Variants in ABHD4 observed in about 807,000 individuals in gnomAD.
ABHD4 encodes (Lyso)-N-acylphosphatidylethanolamine lipase.
In ABHD4, 35 loss-of-function variants were observed where a neutral mutation model predicts 42.3. The observed-to-expected ratio is 0.83, with a 90% CI of 0.63 to 1.10. The LOEUF is 1.10. Among genes scored for constraint, ABHD4 ranks in the 50% least tolerant of loss-of-function variants. The pLI is 0.00. For synonymous variants in ABHD4, 169 were observed against 170.6 expected (o/e 0.99, Z 0.07); for missense variants, 389 against 454.8 (o/e 0.86, Z 1.32).
At chr14:22,600,832 G>GT in intron 1 of ABHD4, among the ~76,000 whole-genome samples, 1 of 14,096 alleles carries the variant, frequency 7.1e-5, no homozygotes, top group East Asian at 3.3e-3. Flanking sequence ...CAGCAGGGGG[G>GT]TGTGTGTGTG....
intron 4 of ABHD4, among the ~76,000 whole-genome samples, chr14:22,605,608 T>A (rs556225366): frequency 6.3e-4 from 96 of 152,286 alleles, no homozygotes; most frequent in African/African-American, 2.1e-3. Flanking sequence ...CTGCTCGAGC[T>A]ACTCTCCCCT....
intron 1 of ABHD4, among the ~76,000 whole-genome samples, chr14:22,599,437 T>C (rs902554749): frequency 1.3e-5 from 2 of 152,284 alleles, no homozygotes; most frequent in East Asian, 3.9e-4. Flanking sequence ...CCCCATCAAG[T>C]TGACAGAGAC....
chr14:22,598,609 T>A, intron 1 of ABHD4: 1 of 741,196 alleles, frequency 1.3e-6, no homozygotes, highest in Non-Finnish European at 2.2e-6. Context: ...TCCTCTGGCC[T>A]CTGGAGAGAT....
At chr14:22,602,241 C>T (rs974156912) in intron 2 of ABHD4, among the ~76,000 whole-genome samples, 2 of 152,198 alleles carry the variant, frequency 1.3e-5, no homozygotes, top group African/African-American at 4.8e-5. Context: ...GGTTTGCAGA[C>T]CAGCTGTCAT....
intron 5 of ABHD4, 106 bp downstream of exon 5, chr14:22,606,639 T>A: frequency 1.3e-6 from 1 of 774,256 alleles, no homozygotes; most frequent in Non-Finnish European, 2.1e-6. Context: ...AAGCTCTGAC[T>A]CAGTTAGGTA....
At chr14:22,607,991 T>G (rs544701614) in intron 5 of ABHD4, among the ~76,000 whole-genome samples, 4 of 152,342 alleles carry the variant, frequency 2.6e-5, no homozygotes, top group Non-Finnish European at 5.9e-5. Context: ...TTTGAGGGTA[T>G]CTACTTCATC....
intron 6 of ABHD4, 146 bp from the exon 7 acceptor site, chr14:22,610,713 A>G (rs1337691834): frequency 1.6e-6 from 1 of 637,192 alleles, no homozygotes; most frequent in African/African-American, 1.8e-5. Flanking sequence ...AAATACCAAG[A>G]TCCAAGCGAG....
chr14:22,598,390 C>A, intron 1 of ABHD4, 61 bp downstream of exon 1: 1 of 1,551,442 alleles, frequency 6.4e-7, no homozygotes, highest in East Asian at 2.4e-5. Flanking sequence ...GATCCTGGGA[C>A]TGTCTGTGGC....
At chr14:22,598,545 C>T in intron 1 of ABHD4, 1 of 1,396,602 alleles carries the variant, frequency 7.2e-7, no homozygotes, top group East Asian at 2.5e-5. Context: ...CGCGCTCGCC[C>T]GCAGCCCGGG....
intron 4 of ABHD4, 81 bp downstream of exon 4, chr14:22,604,160 A>G (rs1355335011): frequency 2.0e-6 from 3 of 1,511,512 alleles, no homozygotes; most frequent in East Asian, 2.3e-5. Flanking sequence ...TTATTCCTAA[A>G]AAGTGGAAAT....
Position 22,598,592 on chromosome 14 carries a change from C to G in ABHD4, c.23+263C>G. On this transcript the variant is annotated intron_variant, in intron 1 of 6. Transcript: ENST00000428304. ...TCTACCTTAGTCCTCGCGAGTGCCCCTCATTCTCCTCTGGCCTCTGGAGAG... is the reference window on the plus strand; with the variant it reads ...TCTACCTTAGTCCTCGCGAGTGCCCGTCATTCTCCTCTGGCCTCTGGAGAG... 3 of 868,790 alleles carry G rather than the reference C, an allele frequency of 3.5e-6. No homozygotes were observed. The South Asian group carries it at 4.6e-5, about 13-fold the overall frequency. The allele number at this position is 868,790 out of a possible 1,614,324, so 53.8% of individuals were successfully genotyped here.
Position 22,610,892 on chromosome 14 carries a change from G to A in ABHD4, c.973G>A (p.Asp325Asn). ...IKGASHHVYA[D>N]QPHIFNAVVE... ...GGGTGCCTCCCACCATGTCTATGCTGACCAGCCACACATCTTCAATGCTGT... is the reference window on the plus strand; with the variant it reads ...GGGTGCCTCCCACCATGTCTATGCTAACCAGCCACACATCTTCAATGCTGT... The change falls in exon 7 of 7, where the codon GAC (aspartate) becomes AAC (asparagine). Residue 325 changes from aspartate to asparagine, a missense_variant. By Grantham distance (23) the Asp-to-Asn change is conservative. This residue lies in a region of ABHD4 where 249 missense variants were observed against 254.4 expected (regional missense o/e 0.98). Coordinates refer to ENST00000428304, the MANE Select transcript of ABHD4 (RefSeq NM_022060.3). The A allele has an allele frequency of 6.2e-7, 1 of 1,614,126 alleles. No homozygotes were observed. The highest frequency in any genetic ancestry group is 8.5e-7 in the Non-Finnish European group (1 of 1,180,026).
chr14:22,609,935 G>C, intron 6 of ABHD4, 25 bp downstream of exon 6: 1 of 1,609,120 alleles, frequency 6.2e-7, no homozygotes, highest in Non-Finnish European at 8.5e-7. Context: ...CCAAGGAGTG[G>C]AAATGATGAC....
chr14:22,601,708 C>T lies in ABHD4; in HGVS notation c.65C>T (p.Pro22Leu), dbSNP rs1482743322. 1 of 1,614,036 alleles carries T rather than the reference C, an allele frequency of 6.2e-7. No homozygotes were observed. Among genetic ancestry groups the T allele is most frequent in the East Asian group, 2.2e-5 (1 of 44,890 alleles). ...WLSSWLPTWR[P>L]TSMSQLKNVE... ...AGTAGCTGGCTGCCCACGTGGCGCC[C>T]CACTTCCATGTCTCAGCTGAAGAAT... The change falls in exon 2 of 7, where the codon CCC becomes CTC. Residue 22 changes from proline (P) to leucine (L), a missense_variant. Pro to Leu is a moderately conservative substitution (Grantham distance 98). Transcript: ENST00000428304.
At chr14:22,604,279 C>T (rs1484590791) in intron 4 of ABHD4, 200 bp downstream of exon 4, 1 of 623,414 alleles carries the variant, frequency 1.6e-6, no homozygotes, top group Non-Finnish European at 2.7e-6. Context: ...GAGACAAAGT[C>T]TCGCTCTGTC....
At chr14:22,604,226 G>C in intron 4 of ABHD4, 147 bp downstream of exon 4, 1 of 948,190 alleles carries the variant, frequency 1.1e-6, no homozygotes, top group Non-Finnish European at 1.5e-6. Context: ...TTTGTTCAAG[G>C]TTTGAGAAGG....
chr14:22,607,427 T>C (rs1472025114), intron 5 of ABHD4, among the ~76,000 whole-genome samples: 1 of 152,164 alleles, frequency 6.6e-6, no homozygotes. Flanking sequence ...TCTAGGGCTG[T>C]CCAAGTCACT....
intron 4 of ABHD4, among the ~76,000 whole-genome samples, chr14:22,604,409 C>T (rs535598014): frequency 6.6e-6 from 1 of 152,156 alleles, no homozygotes; most frequent in African/African-American, 2.4e-5. Flanking sequence ...TGCCACCATG[C>T]CCGGCTAATT....
Position 22,603,483 on chromosome 14 carries a change from C to A in ABHD4, c.206C>A (p.Thr69Asn). 1.9e-6 allele frequency: 3 copies of A among 1,614,176 alleles called. No individual in the cohort carries two copies. The highest frequency in any genetic ancestry group is 2.2e-5 in the East Asian group (1 of 44,888). Reference sequence around the variant, plus strand: ...GTGAGCCCCGAGCAAAACGACCGCACCCCCTTGGTGATGGTGCATGGTTTT... The same window carrying A: ...GTGAGCCCCGAGCAAAACGACCGCAACCCCTTGGTGATGGTGCATGGTTTT... ...VTVSPEQNDR[T>N]PLVMVHGFGG... The change falls in exon 3 of 7, where the codon ACC (threonine) becomes AAC (asparagine). Residue 69 changes from threonine (T) to asparagine (N), a missense_variant. By Grantham distance (65) the Thr-to-Asn change is moderately conservative (BLOSUM62 0). This residue lies in a region of ABHD4 where 102 missense variants were observed against 128.3 expected (regional missense o/e 0.80). Coordinates refer to ENST00000428304, the MANE Select transcript of ABHD4 (RefSeq NM_022060.3).
Sources: gnomAD v4.1 joint callset for allele counts (sites outside exome capture counted in the v4.1 genomes callset) on GRCh38, gnomAD v4.1.1 for gene constraint, gnomAD v4.1.1 regional missense constraint, MANE v1.5 for transcripts, NCBI Gene and HGNC (gene_info 2026-07-23, HGNC 2026-07-21) for gene names.